The following ZC2HC1A variants were observed in gnomAD, a reference collection of about 807,000 sequenced individuals.
ZC2HC1A encodes zinc finger C2HC-type containing 1A, also known as zinc finger C2HC domain-containing protein 1A.
ZC2HC1A carries 28 observed loss-of-function variants against 40.7 expected under a neutral mutation model. That is an observed-to-expected ratio of 0.69 (90% confidence interval 0.51 to 0.94). The LOEUF (loss-of-function observed/expected upper bound fraction) is 0.94. Ranked by LOEUF, ZC2HC1A falls within the 40% of genes least tolerant of loss-of-function variation. ZC2HC1A has a pLI of 0.00. For missense variants in ZC2HC1A, 389 were observed against 386.3 expected (o/e 1.01, Z -0.06); for synonymous variants, 129 against 129.2 (o/e 1.00, Z 0.01).
intron 7 of ZC2HC1A, among the ~76,000 whole-genome samples, chr8:78,712,823 G>C (rs1258897486): frequency 6.6e-6 from 1 of 152,126 alleles, no homozygotes; most frequent in African/African-American, 2.4e-5. Flanking sequence ...CCTATTAATG[G>C]TGGAAAATAT....
At position 78,689,337 on chromosome 8, in the gene ZC2HC1A, A is replaced by G. The variant is rs1810130705; in HGVS notation, c.468A>G (p.Thr156=). The change falls in exon 5 of 9, where the codon ACA becomes ACG. Residue 156 remains threonine (T), a synonymous_variant. Transcript: ENST00000263849. The stretch of plus-strand genomic sequence containing the variant: ...TTAGTAATAAAGGGAAATTTTCTAC[A>G]GATACCAAAGGAAAACCAACTTCTC... ...ARISNKGKFS[T]DTKGKPTSRT... 2 of 1,601,132 alleles carry G rather than the reference A, an allele frequency of 1.2e-6. No individual in the cohort carries two copies. The highest frequency in any genetic ancestry group is 1.3e-5 in the African/African-American group (1 of 74,146).
chr8:78,702,891 T>G (rs1810651373), intron 7 of ZC2HC1A, among the ~76,000 whole-genome samples: 1 of 151,998 alleles, frequency 6.6e-6, no homozygotes, highest in Non-Finnish European at 1.5e-5. Flanking sequence ...TGTGATCAAT[T>G]TTATTTTATT....
At chr8:78,688,023 C>T (rs970497655) in intron 4 of ZC2HC1A, among the ~76,000 whole-genome samples, 6 of 147,764 alleles carry the variant, frequency 4.1e-5, no homozygotes, top group African/African-American at 1.2e-4. Context: ...GCTGTGTTTC[C>T]GTAAAACTTC....
chr8:78,715,944 G>A (rs1256987372), intron 8 of ZC2HC1A, among the ~76,000 whole-genome samples: 1 of 150,238 alleles, frequency 6.7e-6, no homozygotes, highest in East Asian at 2.0e-4. Flanking sequence ...GGAGGCCGAG[G>A]CAGGAGAATT....
At chr8:78,696,957 C>T (rs546430792) in intron 5 of ZC2HC1A, among the ~76,000 whole-genome samples, 30 of 152,124 alleles carry the variant, frequency 2.0e-4, no homozygotes, top group African/African-American at 5.5e-4. Flanking sequence ...AAGTTTTTTC[C>T]GTTAGACCTT....
Position 78,678,595 on chromosome 8 carries a change from A to G in ZC2HC1A, c.126A>G (p.Ala42=), listed in dbSNP as rs1163760275. The G allele has an allele frequency of 1.2e-6, 2 of 1,612,184 alleles. No individual in the cohort carries two copies. Among genetic ancestry groups the G allele is most frequent in the East Asian group, 4.5e-5 (2 of 44,746 alleles). The change falls in exon 3 of 9, where the codon GCA becomes GCG. Residue 42 remains alanine (A), a synonymous_variant. Transcript: ENST00000263849. ...ATGGACCCATTTGCCAGAAGACTGC[A>G]ACTAAAAAACGGAAGACTTTTGATT... is the stretch of plus-strand genomic sequence containing the variant. The part of the protein sequence containing the change: ...KKHGPICQKT[A]TKKRKTFDSS...
intron 7 of ZC2HC1A, among the ~76,000 whole-genome samples, chr8:78,711,281 T>C (rs1047607823): frequency 6.6e-6 from 1 of 152,130 alleles, no homozygotes; most frequent in East Asian, 1.9e-4. Flanking sequence ...AGTTATTTGG[T>C]TGGTTGATTT....
At position 78,697,406 on chromosome 8, in the gene ZC2HC1A, G is replaced by A; in HGVS notation, c.505-1G>A. 2 of 1,588,342 alleles carry A rather than the reference G, an allele frequency of 1.3e-6. No homozygotes were observed. Among genetic ancestry groups the A allele is most frequent in the African/African-American group, 1.4e-5 (1 of 73,158 alleles). On this transcript the variant is annotated splice_acceptor_variant, in intron 5 of 8. Transcript: ENST00000263849. LOFTEE classifies it high-confidence loss of function. Reference sequence around the variant, plus strand: ...TTAATATTTTTTTTCCATTATTTTAGTATAAGCCACCCGCACTTAAAAAGT... The same window carrying A: ...TTAATATTTTTTTTCCATTATTTTAATATAAGCCACCCGCACTTAAAAAGT...
chr8:78,675,497 A>G (rs1234579484), intron 1 of ZC2HC1A, among the ~76,000 whole-genome samples: 1 of 152,014 alleles, frequency 6.6e-6, no homozygotes, highest in Non-Finnish European at 1.5e-5. Context: ...TTAAGAGAAT[A>G]TGACAAATTG....
chr8:78,698,316 C>A, intron 6 of ZC2HC1A, 98 bp from the exon 7 acceptor site: 2 of 991,908 alleles, frequency 2.0e-6, no homozygotes, highest in South Asian at 2.0e-5. Flanking sequence ...TTTATAGTTG[C>A]AAAGATTATT....
At chr8:78,700,239 A>G (rs1047655571) in intron 7 of ZC2HC1A, among the ~76,000 whole-genome samples, 2 of 152,104 alleles carry the variant, frequency 1.3e-5, no homozygotes, top group African/African-American at 2.4e-5. Flanking sequence ...TTTTTTTCAT[A>G]TGACAGTTGA....
chr8:78,690,446 G>A (rs1201788517), intron 5 of ZC2HC1A, among the ~76,000 whole-genome samples: 1 of 151,944 alleles, frequency 6.6e-6, no homozygotes, highest in South Asian at 2.1e-4. Context: ...TGTAGTCCCA[G>A]CTACTTGGGA....
intron 1 of ZC2HC1A, among the ~76,000 whole-genome samples, chr8:78,671,856 CT>C (rs1809445028): frequency 6.6e-6 from 1 of 152,076 alleles, no homozygotes; most frequent in South Asian, 2.1e-4. Context: ...TATATATAAA[CT>C]TTATTTAAAA....
intron 7 of ZC2HC1A, among the ~76,000 whole-genome samples, chr8:78,710,558 A>C (rs1224769367): frequency 6.6e-6 from 1 of 152,038 alleles, no homozygotes; most frequent in Non-Finnish European, 1.5e-5. Flanking sequence ...TATAGTCAAA[A>C]ATTTTCTAAA....
At position 78,678,676 on chromosome 8, in the gene ZC2HC1A, G is replaced by T. The variant is rs757649886; in HGVS notation, c.207G>T (p.Pro69=). ...TDIPTVKPLK[P]RPEPPKKPSN... is the part of the protein sequence containing the mutation. Reference sequence around the variant, plus strand: ...TTCCAACAGTAAAACCTCTCAAACCGAGGGTAACTATATAACCTTTTGAAC... The same window carrying T: ...TTCCAACAGTAAAACCTCTCAAACCTAGGGTAACTATATAACCTTTTGAAC... The change falls in exon 3 of 9, where the codon CCG becomes CCT. Residue 69 remains proline, a synonymous_variant. Coordinates refer to ENST00000263849, the MANE Select transcript of ZC2HC1A (RefSeq NM_016010.3). The T allele has an allele frequency of 1.2e-6, 2 of 1,603,222 alleles. No homozygotes were observed. The highest frequency in any genetic ancestry group is 1.7e-6 in the Non-Finnish European group (2 of 1,175,502).
chr8:78,669,962 TC>T, intron 1 of ZC2HC1A, among the ~76,000 whole-genome samples: 1 of 62,488 alleles, frequency 1.6e-5, no homozygotes, highest in Non-Finnish European at 3.8e-5. Flanking sequence ...TTTCTTTCTT[TC>T]TTTCTTTCTT....
At chr8:78,713,512 GATTTCCTAAAGATTGA>G (rs1190549588) in intron 7 of ZC2HC1A, among the ~76,000 whole-genome samples, 2 of 151,464 alleles carry the variant, frequency 1.3e-5, no homozygotes, top group Admixed American at 6.6e-5. Flanking sequence ...CTTTGACAAT[GATTTCCTAAAGATTGA>G]ATTTCTAGAA....
intron 6 of ZC2HC1A, 133 bp downstream of exon 6, chr8:78,697,639 AT>A: frequency 1.6e-6 from 1 of 624,880 alleles, no homozygotes; most frequent in Non-Finnish European, 2.6e-6. Context: ...TTAAGTAATT[AT>A]TTTTTAAAAT....
At chr8:78,677,129 G>A (rs1451911625) in intron 2 of ZC2HC1A, among the ~76,000 whole-genome samples, 4 of 152,184 alleles carry the variant, frequency 2.6e-5, no homozygotes, top group Admixed American at 2.6e-4. Flanking sequence ...ATCCAGTTTT[G>A]AGGTTTTATT....
Sources: gnomAD v4.1 joint callset for allele counts (sites outside exome capture counted in the v4.1 genomes callset) on GRCh38, gnomAD v4.1.1 for gene constraint, MANE v1.5 for transcripts, NCBI Gene and HGNC (gene_info 2026-07-23, HGNC 2026-07-21) for gene names.